DNAAF8: variants seen among roughly 807,000 people sequenced by gnomAD.
The protein encoded by DNAAF8 is dynein axonemal assembly factor 8, also known as dynein axonemal-associated protein 1.
In DNAAF8, 61 loss-of-function variants were observed where a neutral mutation model predicts 54.6. The observed-to-expected ratio is 1.12, with a 90% confidence interval of 0.91 to 1.38. The LOEUF (loss-of-function observed/expected upper bound fraction) is 1.38. DNAAF8 is among the 40% of genes most tolerant of loss of function. The pLI, the probability that DNAAF8 is intolerant of heterozygous loss-of-function variation, is 0.00. For missense variants in DNAAF8, 837 were observed against 665.0 expected (o/e 1.26, Z -2.85); for synonymous variants, 320 against 270.1 (o/e 1.18, Z -1.81).
rs553744096 is a variant in DNAAF8 at position 4,745,205 on chromosome 16, C to T, written c.1043+194C>T. On this transcript the variant is annotated intron_variant, in intron 6 of 9. Coordinates refer to ENST00000299320, the MANE Select transcript of DNAAF8 (RefSeq NM_139170.3). ...AAACCAAGGCTCAGAGAGGTTGACT[C>T]TCTCTGGCCATAAATGGCAGGGCTG... is the stretch of plus-strand genomic sequence containing the variant. Among the ~76,000 whole-genome samples, 3 of 152,348 alleles carry T rather than the reference C, an allele frequency of 2.0e-5. No homozygotes were observed. In the East Asian group the frequency reaches 5.8e-4, roughly 29 times the overall value.
At position 4,740,573 on chromosome 16, in the gene DNAAF8, G is replaced by T. The variant is rs748099682; in HGVS notation, c.697G>T (p.Ala233Ser). The T allele has an allele frequency of 3.1e-6, 5 of 1,613,770 alleles. No homozygotes were observed. The highest frequency in any genetic ancestry group is 4.2e-6 in the Non-Finnish European group (5 of 1,180,028). Reference sequence around the variant, plus strand: ...CAGTGACAAAGGTGGGGTGAAGGAGGCGCCCTGCCACGCTGCGGAGTCAGC... The same window carrying T: ...CAGTGACAAAGGTGGGGTGAAGGAGTCGCCCTGCCACGCTGCGGAGTCAGC... ...TSSDKGGVKE[A>S]PCHAAESAPR... The change falls in exon 4 of 10, where the codon GCG (alanine) becomes TCG (serine). Residue 233 changes from alanine (A) to serine (S), a missense_variant. Transcript: ENST00000299320.
intron 1 of DNAAF8, among the ~76,000 whole-genome samples, chr16:4,735,939 A>T (rs1014893986): frequency 2.6e-5 from 4 of 152,124 alleles, no homozygotes; most frequent in Non-Finnish European, 4.4e-5. Context: ...CTGGGCGACA[A>T]AGCCAGACCC....
chr16:4,744,423 A>G (rs1320489743), intron 5 of DNAAF8, among the ~76,000 whole-genome samples: 1 of 152,188 alleles, frequency 6.6e-6, no homozygotes, highest in East Asian at 1.9e-4. Context: ...TTTAGCACAG[A>G]ATACACTGCG....
chr16:4,745,108 G>T, intron 6 of DNAAF8, 97 bp downstream of exon 6: 1 of 1,435,630 alleles, frequency 7.0e-7, no homozygotes, highest in Middle Eastern at 1.8e-4. Flanking sequence ...GGCACTCCAT[G>T]TGCATTTTCT....
At chr16:4,744,835 C>A (rs961192037) in intron 5 of DNAAF8, 35 bp from the exon 6 acceptor site, 5 of 1,595,408 alleles carry the variant, frequency 3.1e-6, no homozygotes, top group Non-Finnish European at 4.3e-6. Flanking sequence ...TGGGCCAAGT[C>A]CCCACTAATC....
intron 8 of DNAAF8, 35 bp from the exon 9 acceptor site, chr16:4,747,308 C>G: frequency 6.6e-7 from 1 of 1,525,670 alleles, no homozygotes; most frequent in Non-Finnish European, 8.8e-7. Flanking sequence ...GCGGCCCCCA[C>G]GGGGTTGAGT....
Position 4,746,965 on chromosome 16 carries a change from A to G in DNAAF8, c.1220A>G (p.Glu407Gly). ...HSSSDSEEEE[E>G]EEMAALGDAE... ...TCCTCTGACAGTGAGGAGGAGGAGG[A>G]GGAAGAGATGGCAGCTCTGGGAGAC... Residue 407 changes from glutamate to glycine, a missense_variant, in exon 8 of 10, where the codon GAG becomes GGG. Transcript: ENST00000299320. 3 of 1,554,722 alleles carry G rather than the reference A, an allele frequency of 1.9e-6. No individual in the cohort carries two copies. Among genetic ancestry groups the G allele is most frequent in the Non-Finnish European group, 2.6e-6 (3 of 1,154,286 alleles).
rs753402412 is a variant in DNAAF8, at chr16:4,747,352, C to T, written c.1290C>T (p.Thr430=). 3.4e-5 allele frequency: 53 copies of T among 1,580,446 alleles called. No individual in the cohort carries two copies. In the East Asian group the frequency reaches 4.0e-4, roughly 12 times the overall value. Residue 430 remains threonine (T), a synonymous_variant, in exon 9 of 10, where the codon ACC becomes ACT. Transcript: ENST00000299320. ...TCTCATTGTGTCACAGGACCTGTAC[C>T]GGGAAAAGCCAGCTTCTCCAGCAGC... The part of the protein sequence containing the change: ...SPSSLGLRTC[T]GKSQLLQQLR...
At chr16:4,748,025 C>T (rs990060455) in intron 9 of DNAAF8, among the ~76,000 whole-genome samples, 8 of 152,024 alleles carry the variant, frequency 5.3e-5, no homozygotes, top group South Asian at 2.1e-4. Flanking sequence ...CCAAGTAAAA[C>T]GTATTTAGAG....
intron 4 of DNAAF8, among the ~76,000 whole-genome samples, chr16:4,740,860 C>G (rs2081953180): frequency 6.6e-6 from 1 of 152,028 alleles, no homozygotes; most frequent in Non-Finnish European, 1.5e-5. Context: ...TTAACAAGAA[C>G]AAAGAACAAG....
chr16:4,745,037 C>A (rs770600006), intron 6 of DNAAF8, 26 bp downstream of exon 6: 1 of 1,606,122 alleles, frequency 6.2e-7, no homozygotes, highest in Non-Finnish European at 8.5e-7. Context: ...AGGCCCGGCT[C>A]CTGTGGTCCT....
At chr16:4,748,327 A>G (rs2082045352) in intron 9 of DNAAF8, 1 of 150,476 alleles carries the variant, frequency 6.6e-6, no homozygotes, top group South Asian at 2.1e-4. Context: ...CTGGGATTAT[A>G]GCACTGTGAG....
At chr16:4,743,794 G>C (rs1596485257) in intron 5 of DNAAF8, 1 of 152,302 alleles carries the variant, frequency 6.6e-6, no homozygotes. Flanking sequence ...ACATTTTGTT[G>C]GTTTGTAATT....
In DNAAF8 at chr16:4,740,730, T is replaced by G. The variant is rs540078440; in HGVS notation, c.783+71T>G. On this transcript the variant is annotated intron_variant, in intron 4 of 9. Transcript: ENST00000299320. Reference sequence around the variant, plus strand: ...TGGCATGGCTGCTGTTCCCATGCACTGGAGCTAGAAGCAGCTTGAGGGCTG... The same window carrying G: ...TGGCATGGCTGCTGTTCCCATGCACGGGAGCTAGAAGCAGCTTGAGGGCTG... 5.5e-6 allele frequency: 8 copies of G among 1,464,378 alleles called. No homozygotes were observed. In the South Asian group the frequency reaches 9.3e-5, roughly 17 times the overall value. The allele number at this position is 1,464,378 out of a possible 1,614,324, so 90.7% of individuals were successfully genotyped here.
At chr16:4,735,367 C>G (rs573416730) in intron 1 of DNAAF8, 1 of 152,384 alleles carries the variant, frequency 6.6e-6, no homozygotes, top group African/African-American at 2.4e-5. Context: ...CAGAGTGCAC[C>G]AAGCACCTGC....
At chr16:4,746,696 T>G (rs567335842) in intron 7 of DNAAF8, 184 bp downstream of exon 7, 7 of 886,294 alleles carry the variant, frequency 7.9e-6, no homozygotes, top group Non-Finnish European at 1.2e-5. Context: ...AAGAGGGGCA[T>G]GAGGCACACC....
At chr16:4,746,290 G>A (rs371063233) in intron 6 of DNAAF8, 85 bp from the exon 7 acceptor site, 32 of 1,412,198 alleles carry the variant, frequency 2.3e-5, no homozygotes, top group East Asian at 9.2e-5. Flanking sequence ...TGGCAGCCAC[G>A]AGCACTGTGA....
intron 2 of DNAAF8, among the ~76,000 whole-genome samples, chr16:4,737,025 C>T (rs2081908239): frequency 6.6e-6 from 1 of 152,112 alleles, no homozygotes; most frequent in African/African-American, 2.4e-5. Flanking sequence ...TGAGAATGCA[C>T]AATTCCAGTG....
At chr16:4,738,192 C>T (rs543410220) in intron 3 of DNAAF8, among the ~76,000 whole-genome samples, 1 of 152,250 alleles carries the variant, frequency 6.6e-6, no homozygotes, top group Non-Finnish European at 1.5e-5. Flanking sequence ...TGACCCTTCT[C>T]TTCTTCTTGA....
Sources: gnomAD v4.1 joint callset for allele counts (sites outside exome capture counted in the v4.1 genomes callset) on GRCh38, gnomAD v4.1.1 for gene constraint, MANE v1.5 for transcripts, NCBI Gene and HGNC (gene_info 2026-07-23, HGNC 2026-07-21) for gene names.